The following PAXIP1 variants were observed in gnomAD, a reference collection of about 807,000 sequenced individuals.
The protein encoded by PAXIP1 is PAX interacting protein 1, also known as PAX-interacting protein 1.
Under a neutral mutation model 140.6 loss-of-function variants are expected in PAXIP1, and 19 were observed. The ratio of observed to expected loss-of-function variants is 0.14; its 90% confidence interval spans 0.09 to 0.20. The LOEUF is 0.20. PAXIP1 is among the 10% of genes least tolerant of loss of function. PAXIP1 has a pLI of 1.00. For missense variants in PAXIP1, 920 were observed against 1,208.6 expected (o/e 0.76, Z 3.54); for synonymous variants, 442 against 444.6 (o/e 0.99, Z 0.07).
At chr7:154,998,899 C>G (rs1411109860) in intron 1 of PAXIP1, 115 bp from the exon 2 acceptor site, 1 of 876,942 alleles carries the variant, frequency 1.1e-6, no homozygotes, top group African/African-American at 1.7e-5. Flanking sequence ...ACACCATATT[C>G]CCCACATAAA....
Position 154,957,705 on chromosome 7 carries a change from C to T in PAXIP1, c.2479-411G>A, listed in dbSNP as rs536722561. On this transcript the variant is annotated intron_variant, in intron 13 of 20. Transcript: ENST00000404141. ...AAACATGGCCGGGCGCGGTGGCTCA[C>T]GCCTGTAATCCCAGCACTTTGGGAG... Among the ~76,000 whole-genome samples, 18 of 152,234 alleles carry T rather than the reference C, an allele frequency of 1.2e-4. 1 individual carries two copies. The South Asian group carries it at 3.1e-3, about 26-fold the overall frequency.
At chr7:154,996,703 A>G (rs1484641944) in intron 2 of PAXIP1, among the ~76,000 whole-genome samples, 1 of 152,190 alleles carries the variant, frequency 6.6e-6, no homozygotes, top group Admixed American at 6.5e-5. Flanking sequence ...ATTGAAATAT[A>G]TATTTATTAT....
chr7:154,972,201 A>G (rs964176718), intron 6 of PAXIP1, among the ~76,000 whole-genome samples: 4 of 152,218 alleles, frequency 2.6e-5, no homozygotes, highest in African/African-American at 4.8e-5. Context: ...GAAAAACATA[A>G]TAAGGCCAGG....
rs1232347108 is a variant in PAXIP1 at position 154,946,395 on chromosome 7, C to T, written c.3164G>A (p.Gly1055Glu). 1 of 1,613,914 alleles carries T rather than the reference C, an allele frequency of 6.2e-7. No individual in the cohort carries two copies. Among genetic ancestry groups the T allele is most frequent in the South Asian group, 1.1e-5 (1 of 91,072 alleles). ...ATAGTCCAGCGTTTGAGTGAGCACTCCAGTCAGAACGAACTCTGCATTGTG... is the reference window on the plus strand; with the variant it reads ...ATAGTCCAGCGTTTGAGTGAGCACTTCAGTCAGAACGAACTCTGCATTGTG... ...DVHNAEFVLT[G>E]VLTQTLDYES... The change falls in exon 20 of 21, where the codon GGA becomes GAA. Residue 1055 changes from glycine (G) to glutamate (E), a missense_variant. Gly to Glu is a moderately conservative substitution (Grantham distance 98). Transcript: ENST00000404141. The surrounding 1 kb of genome is among the most constrained non-coding windows in gnomAD (Gnocchi z 4.9).
At position 154,969,007 on chromosome 7, in the gene PAXIP1, T is replaced by G; in HGVS notation, c.1194A>C (p.Thr398=). ...CCTGCTGCTGCTGCTGTAGCATGTG[T>G]GTCTCTGGAGTCACTTTCACTTGGC... ...LFSQVKVTPE[T]HMLQQQQQAQ... The change falls in exon 7 of 21, where the codon ACA becomes ACC. Residue 398 remains threonine, a synonymous_variant. Coordinates refer to ENST00000404141, the MANE Select transcript of PAXIP1 (RefSeq NM_007349.4). 6.4e-7 allele frequency: 1 copy of G among 1,551,002 alleles called. No individual in the cohort carries two copies. The highest frequency in any genetic ancestry group is 8.7e-7 in the Non-Finnish European group (1 of 1,146,714).
At chr7:154,947,859 T>C in intron 17 of PAXIP1, 44 bp downstream of exon 17, 1 of 1,350,350 alleles carries the variant, frequency 7.4e-7, no homozygotes, top group Non-Finnish European at 1.1e-6. Flanking sequence ...CAGGTCCGTG[T>C]GTTATGCTTA....
chr7:154,946,834 A>G lies in PAXIP1; in HGVS notation c.2923-21T>C. 2.0e-6 allele frequency: 3 copies of G among 1,493,196 alleles called. No individual in the cohort carries two copies. Among genetic ancestry groups the G allele is most frequent in the Non-Finnish European group, 2.7e-6 (3 of 1,094,304 alleles). The allele number at this position is 1,493,196 out of a possible 1,614,324, so 92.5% of individuals were successfully genotyped here. On this transcript the variant is annotated intron_variant, in intron 17 of 20. Transcript: ENST00000404141. The surrounding 1 kb of genome is among the most constrained non-coding windows in gnomAD (Gnocchi z 4.9). ...TTTGCCTAAAATTAAATGAAAATAT[A>G]TGTATTATGTTCTTAAAATGCTTTA...
chr7:154,947,832 C>G (rs954809744), intron 17 of PAXIP1, 71 bp downstream of exon 17: 2 of 1,089,678 alleles, frequency 1.8e-6, no homozygotes, highest in African/African-American at 3.1e-5. Flanking sequence ...ACCAAATCAC[C>G]TGGTAGTTCC....
rs184080917 is a variant in PAXIP1 at position 154,966,331 on chromosome 7, G to A, written c.1893+1485C>T. ...CCCTCCAGTGAGCTTGTCTTTGAGA[G>A]AAAACAGTTTTCTCTACCAGCATTG... On this transcript the variant is annotated intron_variant, in intron 8 of 20. Coordinates refer to ENST00000404141, the MANE Select transcript of PAXIP1 (RefSeq NM_007349.4). Among the ~76,000 whole-genome samples the A allele has an allele frequency of 1.6e-3, 239 of 152,304 alleles. 2 individuals carry two copies. The highest frequency in any genetic ancestry group is 5.4e-3 in the African/African-American group (225 of 41,580).
At chr7:154,996,532 A>C (rs980870404) in intron 2 of PAXIP1, among the ~76,000 whole-genome samples, 2 of 152,200 alleles carry the variant, frequency 1.3e-5, no homozygotes, top group African/African-American at 4.8e-5. Flanking sequence ...ACTGTGTAAA[A>C]TGAAGGAAGA....
chr7:154,987,604 C>A (rs1352961080), intron 4 of PAXIP1, among the ~76,000 whole-genome samples: 1 of 152,208 alleles, frequency 6.6e-6, no homozygotes, highest in Non-Finnish European at 1.5e-5. Flanking sequence ...ATCAACAGCC[C>A]AGAGTGTGTT....
rs1203281903 is a variant in PAXIP1, at chr7:154,961,624, C to A, written c.2152G>T (p.Asp718Tyr). The change falls in exon 11 of 21, where the codon GAT (aspartate) becomes TAT (tyrosine). Residue 718 changes from aspartate (D) to tyrosine (Y), a missense_variant. Physicochemically the swap from Asp to Tyr is radical, Grantham distance 160. Around this residue, in one of 5 missense-constraint regions of PAXIP1, gnomAD observed 303 missense variants for 517.9 expected, o/e 0.59. Coordinates refer to ENST00000404141, the MANE Select transcript of PAXIP1 (RefSeq NM_007349.4). ...QHIISVTGFVDSDRDDLKLMA... is the reference protein window; with the variant it reads ...QHIISVTGFVYSDRDDLKLMA... The stretch of plus-strand genomic sequence containing the variant: ...AATTTTAGGTCATCTCTGTCACTAT[C>A]AACAAATCCAGTCACAGAAATAATC... 1 of 1,600,550 alleles carries A rather than the reference C, an allele frequency of 6.2e-7. No homozygotes were observed. The highest frequency in any genetic ancestry group is 8.5e-7 in the Non-Finnish European group (1 of 1,173,138).
intron 3 of PAXIP1, among the ~76,000 whole-genome samples, chr7:154,992,398 T>C (rs1203840348): frequency 6.6e-6 from 1 of 152,004 alleles, no homozygotes; most frequent in Non-Finnish European, 1.5e-5. Flanking sequence ...AATACAAAAA[T>C]TAGCTGGGCG....
intron 5 of PAXIP1, among the ~76,000 whole-genome samples, chr7:154,981,820 A>C (rs527526599): frequency 3.6e-4 from 55 of 152,300 alleles, no homozygotes; most frequent in African/African-American, 1.3e-3. Flanking sequence ...TTAGCTATAC[A>C]CTTAAAAAAT....
Position 154,968,526 on chromosome 7 carries a change from G to T in PAXIP1, c.1675C>A (p.Gln559Lys). The change falls in exon 7 of 21, where the codon CAG becomes AAG. Residue 559 changes from glutamine (Q) to lysine (K), a missense_variant. Transcript: ENST00000404141. ...MQSQTAPHLSQTSQALQHQVP... is the reference protein window; with the variant it reads ...MQSQTAPHLSKTSQALQHQVP... The stretch of plus-strand genomic sequence containing the variant: ...TGATGCTGCAGCGCCTGTGACGTCT[G>T]ACTCAAGTGTGGCGCTGTCTGACTT... 1.3e-6 allele frequency: 1 copy of T among 783,680 alleles called. No homozygotes were observed. Among genetic ancestry groups the T allele is most frequent in the Non-Finnish European group, 2.2e-6 (1 of 445,632 alleles). The allele number at this position is 783,680 out of a possible 1,614,324, so 48.5% of individuals were successfully genotyped here.
intron 16 of PAXIP1, chr7:154,952,257 A>T (rs1217623541): frequency 6.6e-6 from 1 of 152,226 alleles, no homozygotes; most frequent in East Asian, 1.9e-4. Context: ...AAATTTATTT[A>T]TGAACCCACA....
chr7:155,002,428 G>A (rs1019117196), intron 1 of PAXIP1, among the ~76,000 whole-genome samples: 1 of 152,096 alleles, frequency 6.6e-6, no homozygotes, highest in Non-Finnish European at 1.5e-5. Flanking sequence ...TGCCCCGGCT[G>A]GGGATCCCGG....
Position 154,955,583 on chromosome 7 carries a change from G to T in PAXIP1, c.2598C>A (p.Thr866=). The change falls in exon 15 of 21, where the codon ACC becomes ACA. Residue 866 remains threonine (T), a synonymous_variant. Coordinates refer to ENST00000404141, the MANE Select transcript of PAXIP1 (RefSeq NM_007349.4). ...CGAATCCAGTGAAAAGCACAAAAGGGGTCAATTCTGGAGTTAGCTTTTTAG... is the reference window on the plus strand; with the variant it reads ...CGAATCCAGTGAAAAGCACAAAAGGTGTCAATTCTGGAGTTAGCTTTTTAG... ...PPTKKLTPEL[T]PFVLFTGFEP... 6.2e-7 allele frequency: 1 copy of T among 1,605,474 alleles called. No individual in the cohort carries two copies. The highest frequency in any genetic ancestry group is 1.1e-5 in the South Asian group (1 of 89,350).
At chr7:154,948,440 G>A (rs934433001) in intron 16 of PAXIP1, 6 of 168,714 alleles carry the variant, frequency 3.6e-5, no homozygotes, top group South Asian at 1.5e-4. Context: ...CCAGCTACTC[G>A]GGGGACTGAA....
Sources: allele counts gnomAD v4.1 joint callset (sites outside exome capture counted in the v4.1 genomes callset), GRCh38; gene constraint gnomAD v4.1.1; regional missense constraint gnomAD v4.1.1; non-coding constraint Gnocchi (gnomAD v3.1); transcripts MANE v1.5; gene names NCBI Gene and HGNC (gene_info 2026-07-23, HGNC 2026-07-21).